The following CNTN4 variants were observed in gnomAD, a reference collection of about 807,000 sequenced individuals.
The protein encoded by CNTN4 is contactin-4.
CNTN4 carries 77 observed loss-of-function variants against 122.5 expected under a neutral mutation model. The observed-to-expected ratio is 0.63, with a 90% CI of 0.52 to 0.76. The LOEUF is 0.76. Ranked by LOEUF, CNTN4 falls within the 30% of genes least tolerant of loss-of-function variation. The probability of loss-of-function intolerance (pLI) is 0.00; values close to 1 mark genes in which losing one functional copy is unlikely to be tolerated. For missense variants in CNTN4, 1,256 were observed against 1,259.1 expected (o/e 1.00, Z 0.04); for synonymous variants, 512 against 447.0 (o/e 1.15, Z -1.83).
rs760331714 is a variant in CNTN4 at position 3,037,182 on chromosome 3, C to G, written c.1946C>G (p.Pro649Arg). Residue 649 changes from proline to arginine, a missense_variant, in exon 18 of 25, where the codon CCA becomes CGA. Physicochemically the swap from Pro to Arg is moderately radical, Grantham distance 103. Transcript: ENST00000418658. Reference sequence around the variant, plus strand: ...CCCACCTTTTGTTGTCTTTCAGTCCCAGAACTCATTGATGGGAAGACATTC... The same window carrying G: ...CCCACCTTTTGTTGTCTTTCAGTCCGAGAACTCATTGATGGGAAGACATTC... ...SVGWQAVSTV[P>R]ELIDGKTFTA... 1.2e-6 allele frequency: 2 copies of G among 1,614,134 alleles called. No homozygotes were observed. The highest frequency in any genetic ancestry group is 1.7e-6 in the Non-Finnish European group (2 of 1,180,000).
chr3:2,861,785 T>C (rs1474722703), intron 7 of CNTN4, among the ~76,000 whole-genome samples: 22 of 152,160 alleles, frequency 1.4e-4, no homozygotes, highest in Non-Finnish European at 3.2e-4. Flanking sequence ...AGTTACTGGG[T>C]TTCCTTGGAT....
At chr3:2,187,210 T>G (rs1052246221) in intron 2 of CNTN4, among the ~76,000 whole-genome samples, 3 of 152,160 alleles carry the variant, frequency 2.0e-5, no homozygotes, top group African/African-American at 7.2e-5. Context: ...CTTGTTTTAG[T>G]CATGTTTGTC....
rs144950592 is a variant in CNTN4, at chr3:2,211,474, C to A, written c.-145+110835C>A. On this transcript the variant is annotated intron_variant, in intron 2 of 24. Coordinates refer to ENST00000418658, the MANE Select transcript of CNTN4 (RefSeq NM_175607.3). ...TTGTGTAGTTTTATGTCACTCTATG[C>A]CCCACATTGATTTTCTTCCCTTATC... Among the ~76,000 whole-genome samples the A allele has an allele frequency of 6.2e-3, 942 of 152,184 alleles. 5 individuals are homozygous for A. Among genetic ancestry groups the A allele is most frequent in the Non-Finnish European group, 8.3e-3 (566 of 68,000 alleles).
intron 6 of CNTN4, among the ~76,000 whole-genome samples, chr3:2,787,812 C>T (rs1402861282): frequency 1.5e-5 from 2 of 135,372 alleles, no homozygotes; most frequent in African/African-American, 2.8e-5. Context: ...TTTTTTGAGG[C>T]AGGGTCTTGC....
intron 3 of CNTN4, among the ~76,000 whole-genome samples, chr3:2,389,597 C>G (rs1314533892): frequency 2.0e-5 from 3 of 152,022 alleles, no homozygotes; most frequent in Non-Finnish European, 4.4e-5. Flanking sequence ...CCTTTTCTTT[C>G]CTTTTACTAT....
intron 23 of CNTN4, among the ~76,000 whole-genome samples, chr3:3,045,551 G>C (rs894242849): frequency 6.6e-6 from 1 of 152,248 alleles, no homozygotes; most frequent in Admixed American, 6.5e-5. Context: ...AACTCCAGCA[G>C]ACCTGCAGCT....
chr3:2,932,819 T>TA (rs1057307393), intron 13 of CNTN4, among the ~76,000 whole-genome samples: 1 of 151,508 alleles, frequency 6.6e-6, no homozygotes, highest in Non-Finnish European at 1.5e-5. Flanking sequence ...TTTATTTATT[T>TA]ATTTATTTAT....
intron 2 of CNTN4, among the ~76,000 whole-genome samples, chr3:2,108,215 C>G (rs974786700): frequency 1.3e-5 from 2 of 148,484 alleles, no homozygotes; most frequent in African/African-American, 5.0e-5. Flanking sequence ...TCTCTTTGGC[C>G]TCCTCTTACT....
At chr3:2,133,037 A>C (rs2034525395) in intron 2 of CNTN4, among the ~76,000 whole-genome samples, 1 of 152,166 alleles carries the variant, frequency 6.6e-6, no homozygotes, top group Non-Finnish European at 1.5e-5. Flanking sequence ...AGTAGGAGGC[A>C]TGCAGAGGGA....
intron 4 of CNTN4, among the ~76,000 whole-genome samples, chr3:2,605,538 G>A (rs1342568044): frequency 2.0e-5 from 3 of 152,134 alleles, no homozygotes; most frequent in African/African-American, 7.2e-5. Flanking sequence ...AATCTATAGG[G>A]TGGCAGTGAT....
chr3:2,283,716 G>A (rs1275883899), intron 2 of CNTN4, among the ~76,000 whole-genome samples: 1 of 152,040 alleles, frequency 6.6e-6, no homozygotes, highest in Non-Finnish European at 1.5e-5. Context: ...TATCCAGAAA[G>A]GGTTAGTCAA....
chr3:2,174,387 T>C (rs2149256709), intron 2 of CNTN4, among the ~76,000 whole-genome samples: 1 of 152,302 alleles, frequency 6.6e-6, no homozygotes, highest in East Asian at 1.9e-4. Context: ...AGACATTTAT[T>C]TCTCAAAATT....
At chr3:2,354,706 G>C (rs1463931104) in intron 3 of CNTN4, among the ~76,000 whole-genome samples, 1 of 151,980 alleles carries the variant, frequency 6.6e-6, no homozygotes, top group Admixed American at 6.6e-5. Context: ...AGTGCTTTCA[G>C]CTGGTATTGC....
At position 2,868,711 on chromosome 3, in the gene CNTN4, G is replaced by A. The variant is rs368088145; in HGVS notation, c.652+1762G>A. Among the ~76,000 whole-genome samples, 48 of 152,292 alleles carry A rather than the reference G, an allele frequency of 3.2e-4. 2 individuals carry two copies. The South Asian group carries it at 9.7e-3, about 31-fold the overall frequency. On this transcript the variant is annotated intron_variant, in intron 8 of 24. Transcript: ENST00000418658. ...CTGTGTGACAGCCACTATGCTGAGT[G>A]CTGGTGAACAGGAGGCTCTTGCATT...
intron 3 of CNTN4, among the ~76,000 whole-genome samples, chr3:2,392,140 G>A (rs564371919): frequency 2.2e-4 from 33 of 152,286 alleles, no homozygotes; most frequent in Non-Finnish European, 3.5e-4. Flanking sequence ...CTGCCACACT[G>A]TCTCTCAGCC....
chr3:2,448,739 G>A (rs1488638938), intron 3 of CNTN4, among the ~76,000 whole-genome samples: 1 of 152,166 alleles, frequency 6.6e-6, no homozygotes, highest in Non-Finnish European at 1.5e-5. Flanking sequence ...TAGAGAATAT[G>A]TTACTTCCTC....
intron 3 of CNTN4, among the ~76,000 whole-genome samples, chr3:2,567,159 T>C (rs913416617): frequency 1.2e-4 from 18 of 149,856 alleles, no homozygotes; most frequent in Admixed American, 6.8e-5. Context: ...CGATCTCGGC[T>C]CACTGCAACC....
intron 3 of CNTN4, among the ~76,000 whole-genome samples, chr3:2,355,949 C>T (rs760099183): frequency 1.3e-5 from 2 of 152,152 alleles, no homozygotes; most frequent in African/African-American, 2.4e-5. Context: ...ATAACAACAC[C>T]GGGAAGCCAC....
At chr3:2,966,099 C>T (rs887119771) in intron 13 of CNTN4, among the ~76,000 whole-genome samples, 39 of 152,118 alleles carry the variant, frequency 2.6e-4, no homozygotes, top group African/African-American at 9.4e-4. Flanking sequence ...GTAGTGAGCA[C>T]TACTAGCCAT....
Sources: gnomAD v4.1 joint callset for allele counts (sites outside exome capture counted in the v4.1 genomes callset) on GRCh38, gnomAD v4.1.1 for gene constraint, MANE v1.5 for transcripts, NCBI Gene and HGNC (gene_info 2026-07-23, HGNC 2026-07-21) for gene names.